Variants in WDTC1 observed in about 807,000 individuals in gnomAD.
The protein encoded by WDTC1 is WD and tetratricopeptide repeats 1.
WDTC1 carries 12 observed loss-of-function variants against 76.0 expected under a neutral mutation model. The ratio of observed to expected loss-of-function variants is 0.16; its 90% CI spans 0.10 to 0.26. The LOEUF is 0.26. WDTC1 is among the 10% of genes least tolerant of loss of function. WDTC1 has a pLI of 1.00. For missense variants in WDTC1, 511 were observed against 908.8 expected (o/e 0.56, Z 5.63); for synonymous variants, 326 against 350.8 (o/e 0.93, Z 0.79).
At chr1:27,288,548 G>A (rs1249403696) in intron 6 of WDTC1, among the ~76,000 whole-genome samples, 2 of 151,810 alleles carry the variant, frequency 1.3e-5, no homozygotes, top group African/African-American at 2.4e-5. Context: ...GAGTGGTGAT[G>A]ACTCTTAATG....
chr1:27,289,448 C>T (rs1292910552), intron 6 of WDTC1, among the ~76,000 whole-genome samples: 3 of 151,410 alleles, frequency 2.0e-5, no homozygotes, highest in South Asian at 2.1e-4. Flanking sequence ...AGAGACGCTC[C>T]TCACTTCCTA....
chr1:27,284,845 C>T (rs898203953), intron 5 of WDTC1, among the ~76,000 whole-genome samples: 1 of 151,856 alleles, frequency 6.6e-6, no homozygotes, highest in Non-Finnish European at 1.5e-5. Context: ...GTATTTAACT[C>T]ATGCGCTCCC....
rs373497717 is a variant in WDTC1, at chr1:27,287,695, C to T, written c.313C>T (p.Arg105Cys). 4.3e-6 allele frequency: 7 copies of T among 1,613,768 alleles called. No homozygotes were observed. The highest frequency in any genetic ancestry group is 1.3e-5 in the African/African-American group (1 of 74,894). The change falls in exon 6 of 16, where the codon CGC (arginine) becomes TGC (cysteine). Residue 105 changes from arginine (R) to cysteine (C), a missense_variant. By Grantham distance (180) the Arg-to-Cys change is radical. Transcript: ENST00000319394. The stretch of plus-strand genomic sequence containing the variant: ...ATAGTTCCTGCCTCACGCTGGGGAC[C>T]GCATCTTGATCACGGGGGCAGCCGA... ...SVKFLPHAGD[R>C]ILITGAADSK... is the part of the protein sequence containing the mutation.
intron 1 of WDTC1, among the ~76,000 whole-genome samples, chr1:27,237,585 C>G (rs910616899): frequency 6.6e-6 from 1 of 152,108 alleles, no homozygotes; most frequent in Non-Finnish European, 1.5e-5. Flanking sequence ...CGCGGTGGCT[C>G]ACGCCTGTAA....
At chr1:27,304,972 G>T in intron 14 of WDTC1, 29 bp from the exon 15 acceptor site, 1 of 1,596,328 alleles carries the variant, frequency 6.3e-7, no homozygotes, top group South Asian at 1.1e-5. Context: ...TACCCCACCT[G>T]ACCTCCCTGC....
At chr1:27,257,800 T>G (rs2012332197) in intron 1 of WDTC1, among the ~76,000 whole-genome samples, 1 of 152,054 alleles carries the variant, frequency 6.6e-6, no homozygotes, top group Admixed American at 6.6e-5. Flanking sequence ...TTGTTTGTTT[T>G]TTCTTTTTGA....
chr1:27,245,594 G>C (rs2147907013), intron 1 of WDTC1, among the ~76,000 whole-genome samples: 1 of 150,794 alleles, frequency 6.6e-6, no homozygotes, highest in African/African-American at 2.5e-5. Context: ...TTTTGAGACA[G>C]AGTCTTGCCC....
chr1:27,277,289 T>C (rs566752334), intron 3 of WDTC1, among the ~76,000 whole-genome samples: 4 of 152,308 alleles, frequency 2.6e-5, no homozygotes, highest in African/African-American at 7.2e-5. Flanking sequence ...ACCTGTGTTT[T>C]CTTCTAAGAG....
chr1:27,300,434 A>G (rs1451082635), intron 12 of WDTC1, among the ~76,000 whole-genome samples: 1 of 151,920 alleles, frequency 6.6e-6, no homozygotes, highest in African/African-American at 2.4e-5. Context: ...TATGCTTCCT[A>G]TATTCTGGCA....
chr1:27,297,893 C>G (rs2013734685), intron 11 of WDTC1, 45 bp from the exon 12 acceptor site: 1 of 1,554,568 alleles, frequency 6.4e-7, no homozygotes, highest in Non-Finnish European at 8.7e-7. Flanking sequence ...AGGGGCTGCT[C>G]TGACCTTCTT....
intron 1 of WDTC1, among the ~76,000 whole-genome samples, chr1:27,253,334 C>CTTCTTCTTCTTTCTTCT (rs2012147088): frequency 2.7e-5 from 4 of 150,542 alleles, no homozygotes; most frequent in Admixed American, 6.7e-5. Context: ...TCTGTTTCTG[C>CTTCTTCTTCTTTCTTCT]TTCTTCTTCT....
chr1:27,234,613 G>T, upstream of WDTC1: 1 of 392,932 alleles, frequency 2.5e-6, no homozygotes, highest in Non-Finnish European at 4.5e-6. Flanking sequence ...CGGAGACTGC[G>T]TGGCGCAGGC....
chr1:27,265,595 G>A (rs760474250), intron 3 of WDTC1, among the ~76,000 whole-genome samples: 2 of 151,964 alleles, frequency 1.3e-5, no homozygotes, highest in Non-Finnish European at 2.9e-5. Context: ...AGCCTGCAGT[G>A]AGCTGTGATT....
chr1:27,285,763 T>C (rs915440629), intron 5 of WDTC1, among the ~76,000 whole-genome samples: 1 of 151,706 alleles, frequency 6.6e-6, no homozygotes, highest in Non-Finnish European at 1.5e-5. Context: ...ATTTTTTGTA[T>C]TTTTAGTAGA....
At chr1:27,265,203 T>G (rs768916108) in intron 3 of WDTC1, among the ~76,000 whole-genome samples, 3 of 152,122 alleles carry the variant, frequency 2.0e-5, no homozygotes, top group Non-Finnish European at 2.9e-5. Flanking sequence ...AAATATTCCT[T>G]CCAATTCCAG....
At chr1:27,243,276 G>A (rs935325950) in intron 1 of WDTC1, among the ~76,000 whole-genome samples, 5 of 133,804 alleles carry the variant, frequency 3.7e-5, no homozygotes, top group Admixed American at 3.6e-4. Flanking sequence ...GCATGATCTC[G>A]ATCTTGGCTC....
At chr1:27,235,719 A>G (rs1422371692) in intron 1 of WDTC1, among the ~76,000 whole-genome samples, 1 of 151,962 alleles carries the variant, frequency 6.6e-6, no homozygotes, top group Non-Finnish European at 1.5e-5. Flanking sequence ...GTGTACTCCC[A>G]GGGTTTCTAG....
chr1:27,256,584 C>T (rs1163373572), intron 1 of WDTC1, among the ~76,000 whole-genome samples: 1 of 152,240 alleles, frequency 6.6e-6, no homozygotes, highest in Non-Finnish European at 1.5e-5. Flanking sequence ...GTTATTGTCA[C>T]TTCAACTTGT....
chr1:27,290,030 AGGGAGAGGGAGACCGTGGGGAGG>A (rs1390725976), intron 6 of WDTC1, among the ~76,000 whole-genome samples: 2 of 140,100 alleles, frequency 1.4e-5, no homozygotes, highest in African/African-American at 5.3e-5. Flanking sequence ...CCGTGGGGAG[AGGGAGAGGGAGACCGTGGGGAGG>A]GGGAGGGGGA....
Sources: gnomAD v4.1 joint callset for allele counts (sites outside exome capture counted in the v4.1 genomes callset) on GRCh38, gnomAD v4.1.1 for gene constraint, MANE v1.5 for transcripts, NCBI Gene and HGNC (gene_info 2026-07-23, HGNC 2026-07-21) for gene names.